Variants in FREM3 observed in about 807,000 individuals in gnomAD.
The protein encoded by FREM3 is FRAS1-related extracellular matrix protein 3.
FREM3 carries 105 observed loss-of-function variants against 129.1 expected under a neutral mutation model. The ratio of observed to expected loss-of-function variants is 0.81; its 90% confidence interval spans 0.69 to 0.96. The LOEUF is 0.96. Ranked by LOEUF, FREM3 falls within the 40% of genes least tolerant of loss-of-function variation. The probability of loss-of-function intolerance (pLI) is 0.00; values close to 1 mark genes in which losing one functional copy is unlikely to be tolerated. For synonymous variants in FREM3, 1,014 were observed against 1,044.9 expected, an observed-to-expected ratio of 0.97 and a Z score of 0.57; for missense variants, 2,593 against 2,666.3, an observed-to-expected ratio of 0.97 and a Z score of 0.61.
intron 2 of FREM3, among the ~76,000 whole-genome samples, chr4:143,664,497 T>G (rs572470899): frequency 1.3e-5 from 2 of 152,140 alleles, no homozygotes; most frequent in Non-Finnish European, 2.9e-5. Flanking sequence ...CTGCCCCTAC[T>G]GGGGGATGCC....
chr4:143,645,480 C>T (rs1312973233), intron 2 of FREM3, among the ~76,000 whole-genome samples: 2 of 152,104 alleles, frequency 1.3e-5, no homozygotes, highest in Admixed American at 1.3e-4. Flanking sequence ...AGCAGATTAC[C>T]CTCCATAATG....
chr4:143,621,697 T>TTTACTGAG (rs1738953857), intron 4 of FREM3, among the ~76,000 whole-genome samples: 2 of 152,302 alleles, frequency 1.3e-5, no homozygotes, highest in African/African-American at 4.8e-5. Flanking sequence ...GCTGCTGAAA[T>TTTACTGAG]TTACTGAGTT....
chr4:143,585,831 G>A lies in FREM3; in HGVS notation c.6178+13C>T, dbSNP rs1738230950. On this transcript the variant is annotated intron_variant, in intron 7 of 7. Transcript: ENST00000329798. This position sits in a 1 kb window ranked among gnomAD's most constrained non-coding sequence, Gnocchi z 4.2. ...ATCATGATAATGATATATTCTTTAA[G>A]TGGCCCTCTCACCTTCTGCTGACTC... The A allele has an allele frequency of 1.3e-6, 2 of 1,536,782 alleles. No individual in the cohort carries two copies. The highest frequency in any genetic ancestry group is 1.7e-6 in the Non-Finnish European group (2 of 1,146,650).
intron 4 of FREM3, among the ~76,000 whole-genome samples, chr4:143,623,175 G>T (rs952378029): frequency 6.6e-6 from 1 of 152,060 alleles, no homozygotes; most frequent in Non-Finnish European, 1.5e-5. Flanking sequence ...AAATTAAATG[G>T]GTTTCTTTAT....
chr4:143,697,405 G>A lies in FREM3; in HGVS notation c.3271C>T (p.Gln1091Ter). The change falls in exon 1 of 8, where the codon CAA becomes TAA. Residue 1091 changes from glutamine (Q) to a stop codon, truncating the protein, a stop_gained. Transcript: ENST00000329798. LOFTEE classifies it high-confidence loss of function. ...TCCACATCTTCAACATGGAGATGTT[G>A]TAAGGTCAAGGAGTTCTTCTCACCT... ...YEGEKNSLTLQHLHVEDVDTH... is the reference protein window; with the variant it reads ...YEGEKNSLTL 7 of 1,537,248 alleles carry A rather than the reference G, an allele frequency of 4.6e-6. No individual in the cohort carries two copies. The highest frequency in any genetic ancestry group is 6.1e-6 in the Non-Finnish European group (7 of 1,146,908).
In FREM3 at chr4:143,618,223, C is replaced by G. The variant is rs144081988; in HGVS notation, c.5779+2814G>C. On this transcript the variant is annotated intron_variant, in intron 5 of 7. Transcript: ENST00000329798. The stretch of plus-strand genomic sequence containing the variant: ...CCCCAAGTAGGAGGGCTACACCTAA[C>G]TTTAGCTTCTCATAAGATTCCCTTA... Among the ~76,000 whole-genome samples, 129 of 152,112 alleles carry G rather than the reference C, an allele frequency of 8.5e-4. 1 individual carries two copies. Among genetic ancestry groups the G allele is most frequent in the African/African-American group, 3.1e-3 (127 of 41,508 alleles).
At chr4:143,615,126 G>T (rs914752349) in intron 5 of FREM3, among the ~76,000 whole-genome samples, 1 of 152,066 alleles carries the variant, frequency 6.6e-6, no homozygotes, top group Non-Finnish European at 1.5e-5. Flanking sequence ...TACACTAAAG[G>T]GTAATTAAAT....
Position 143,697,401 on chromosome 4 carries a change from T to A in FREM3, c.3275A>T (p.His1092Leu). ...EGEKNSLTLQ[H>L]LHVEDVDTHQ... ...AGTGTCCACATCTTCAACATGGAGA[T>A]GTTGTAAGGTCAAGGAGTTCTTCTC... The change falls in exon 1 of 8, where the codon CAT becomes CTT. Residue 1092 changes from histidine to leucine, a missense_variant. By Grantham distance (99) the His-to-Leu change is moderately conservative. Coordinates refer to ENST00000329798, the MANE Select transcript of FREM3 (RefSeq NM_001168235.2). 6.5e-7 allele frequency: 1 copy of A among 1,537,202 alleles called. No individual in the cohort carries two copies. The highest frequency in any genetic ancestry group is 8.7e-7 in the Non-Finnish European group (1 of 1,146,896).
chr4:143,676,837 G>A (rs1411834366), intron 2 of FREM3, among the ~76,000 whole-genome samples: 3 of 151,740 alleles, frequency 2.0e-5, no homozygotes, highest in African/African-American at 7.3e-5. Context: ...ACTTACAAGG[G>A]ACGTGAAGGA....
chr4:143,620,863 G>C (rs186942139), intron 5 of FREM3, among the ~76,000 whole-genome samples, 174 bp downstream of exon 5: 4 of 152,122 alleles, frequency 2.6e-5, no homozygotes, highest in African/African-American at 9.7e-5. Flanking sequence ...CAGAGGAGTA[G>C]GGCACCTGCA....
rs1738754146 is a variant in FREM3, at chr4:143,611,428, G to A, written c.5879C>T (p.Thr1960Ile). ...TSILHFDKNETQKTCQVLIID... is the reference protein window; with the variant it reads ...TSILHFDKNEIQKTCQVLIID... ...GATCAGGACCTGGCAGGTCTTCTGT[G>A]TCTCATTCTTGTCAAAGTGGAGGAT... The change falls in exon 6 of 8, where the codon ACA (threonine) becomes ATA (isoleucine). Residue 1960 changes from threonine to isoleucine, a missense_variant. By Grantham distance (89) the Thr-to-Ile change is moderately conservative. This residue lies in a region of FREM3 where 317 missense variants were observed against 399.0 expected (regional missense o/e 0.79). Coordinates refer to ENST00000329798, the MANE Select transcript of FREM3 (RefSeq NM_001168235.2). 1 of 1,537,072 alleles carries A rather than the reference G, an allele frequency of 6.5e-7. No individual in the cohort carries two copies. Among genetic ancestry groups the A allele is most frequent in the Non-Finnish European group, 8.7e-7 (1 of 1,146,864 alleles).
chr4:143,590,364 G>A (rs1288826202), intron 6 of FREM3, among the ~76,000 whole-genome samples: 3 of 152,188 alleles, frequency 2.0e-5, no homozygotes, highest in Non-Finnish European at 4.4e-5. Context: ...GTATGATATT[G>A]GCTGTGGGTT....
chr4:143,599,147 C>T (rs1247893269), intron 6 of FREM3, among the ~76,000 whole-genome samples: 1 of 152,082 alleles, frequency 6.6e-6, no homozygotes, highest in Admixed American at 6.6e-5. Flanking sequence ...GCTCAGAAAG[C>T]TGATTTTTAA....
At chr4:143,662,453 C>T (rs1739752196) in intron 2 of FREM3, among the ~76,000 whole-genome samples, 1 of 151,970 alleles carries the variant, frequency 6.6e-6, no homozygotes, top group Admixed American at 6.6e-5. Flanking sequence ...GTCTGAGAGA[C>T]AGTTTGTTAT....
chr4:143,654,601 A>G (rs1281341928), intron 2 of FREM3, among the ~76,000 whole-genome samples: 1 of 152,232 alleles, frequency 6.6e-6, no homozygotes, highest in Non-Finnish European at 1.5e-5. Context: ...AAGAAGCACT[A>G]AACTAGGATG....
chr4:143,687,231 T>G (rs999898568), intron 2 of FREM3, among the ~76,000 whole-genome samples: 21 of 152,030 alleles, frequency 1.4e-4, no homozygotes, highest in African/African-American at 4.6e-4. Flanking sequence ...TTTACTCACG[T>G]AACTAGAAAA....
chr4:143,655,105 G>A (rs1739577686), intron 2 of FREM3, among the ~76,000 whole-genome samples: 1 of 151,458 alleles, frequency 6.6e-6, no homozygotes, highest in South Asian at 2.1e-4. Flanking sequence ...GAAAGGATCT[G>A]TAATTTGTGT....
intron 6 of FREM3, among the ~76,000 whole-genome samples, chr4:143,590,212 A>G (rs1738333001): frequency 1.3e-5 from 2 of 152,082 alleles, no homozygotes; most frequent in Admixed American, 1.3e-4. Flanking sequence ...CTCTTTTCCT[A>G]ATTGAATACC....
rs1485147554 is a variant in FREM3, at chr4:143,700,402, C to A, written c.274G>T (p.Gly92Trp). 1 of 1,534,432 alleles carries A rather than the reference C, an allele frequency of 6.5e-7. No homozygotes were observed. Among genetic ancestry groups the A allele is most frequent in the East Asian group, 2.4e-5 (1 of 40,846 alleles). ...LRDLVIGVQP[G>W]DRCEVTVLDA... ...AGTACCGTGACTTCGCACCGGTCCC[C>A]CGGCTGCACTCCAATCACCAGATCC... The change falls in exon 1 of 8, where the codon GGG becomes TGG. Residue 92 changes from glycine (G) to tryptophan (W), a missense_variant. By Grantham distance (184) the Gly-to-Trp change is radical. Coordinates refer to ENST00000329798, the MANE Select transcript of FREM3 (RefSeq NM_001168235.2).
Sources: gnomAD v4.1 joint callset for allele counts (sites outside exome capture counted in the v4.1 genomes callset) on GRCh38, gnomAD v4.1.1 for gene constraint, gnomAD v4.1.1 regional missense constraint, Gnocchi (gnomAD v3.1) non-coding constraint, MANE v1.5 for transcripts, NCBI Gene and HGNC (gene_info 2026-07-23, HGNC 2026-07-21) for gene names.